Variants in METTL15 observed in about 807,000 individuals in gnomAD.
METTL15 encodes 12S rRNA N(4)-cytidine methyltransferase METTL15.
A neutral mutation model predicts 38.3 loss-of-function variants in METTL15; 34 were observed. That is an observed-to-expected ratio of 0.89 (90% CI 0.68 to 1.18). METTL15 has a LOEUF of 1.18. Ranked by LOEUF, METTL15 falls within the 50% of genes most tolerant of loss-of-function variation. The pLI is 0.00. For synonymous variants in METTL15, 162 were observed against 170.9 expected (o/e 0.95, Z 0.41); for missense variants, 438 against 498.4 (o/e 0.88, Z 1.15).
intron 6 of METTL15, among the ~76,000 whole-genome samples, chr11:28,438,246 G>C (rs1851000477): frequency 6.6e-6 from 1 of 152,188 alleles, no homozygotes; most frequent in Non-Finnish European, 1.5e-5. Context: ...GAGAAATTGT[G>C]CACTATTCTC....
intron 3 of METTL15, among the ~76,000 whole-genome samples, chr11:28,136,709 T>C (rs1211921175): frequency 6.6e-6 from 1 of 152,134 alleles, no homozygotes; most frequent in Non-Finnish European, 1.5e-5. Flanking sequence ...TGTCAAATAA[T>C]CCTGTTTACC....
chr11:28,212,096 C>T (rs1447900232), intron 4 of METTL15, among the ~76,000 whole-genome samples: 2 of 151,968 alleles, frequency 1.3e-5, no homozygotes, highest in Non-Finnish European at 2.9e-5. Flanking sequence ...TAATCAGACA[C>T]TAAGAATAGG....
intron 3 of METTL15, chr11:28,164,021 A>G (rs1185462972): frequency 6.6e-6 from 1 of 152,108 alleles, no homozygotes; most frequent in Non-Finnish European, 1.5e-5. Context: ...TTTAGAGGTA[A>G]TTGTAATTCA....
At chr11:28,444,761 C>G (rs1209535960) in intron 6 of METTL15, among the ~76,000 whole-genome samples, 1 of 152,128 alleles carries the variant, frequency 6.6e-6, no homozygotes, top group Non-Finnish European at 1.5e-5. Flanking sequence ...TTCTATCCTC[C>G]CTTCCAAAGT....
intron 6 of METTL15, among the ~76,000 whole-genome samples, chr11:28,427,575 T>G (rs183713702): frequency 1.3e-5 from 2 of 152,322 alleles, no homozygotes; most frequent in African/African-American, 4.8e-5. Context: ...GCATGGAATG[T>G]TTTTCCATTT....
At chr11:28,222,991 G>A (rs1217422918) in intron 4 of METTL15, among the ~76,000 whole-genome samples, 1 of 152,152 alleles carries the variant, frequency 6.6e-6, no homozygotes, top group African/African-American at 2.4e-5. Flanking sequence ...AATAATAATG[G>A]TATAATACTG....
intron 2 of METTL15, among the ~76,000 whole-genome samples, chr11:28,112,037 T>C (rs940105396): frequency 5.3e-5 from 8 of 152,338 alleles, no homozygotes; most frequent in African/African-American, 1.9e-4. Flanking sequence ...AGTTAACATA[T>C]TATCCTCAAG....
chr11:28,397,747 C>G (rs1314788130), intron 5 of METTL15, among the ~76,000 whole-genome samples: 2 of 152,032 alleles, frequency 1.3e-5, no homozygotes, highest in African/African-American at 2.4e-5. Context: ...GAGTATATAC[C>G]CAAAGTATTG....
chr11:28,525,623 A>C (rs1851803879), intron 6 of METTL15, among the ~76,000 whole-genome samples: 1 of 152,182 alleles, frequency 6.6e-6, no homozygotes, highest in South Asian at 2.1e-4. Flanking sequence ...TGATTGGTGC[A>C]TTTACAAACC....
chr11:28,122,252 A>C (rs568601811), intron 3 of METTL15: 2 of 1,047,470 alleles, frequency 1.9e-6, no homozygotes, highest in South Asian at 3.5e-5. Flanking sequence ...TGTTCATATC[A>C]TGTTATAAAA....
chr11:28,291,192 G>C (rs373794266), intron 5 of METTL15, among the ~76,000 whole-genome samples: 1 of 151,724 alleles, frequency 6.6e-6, no homozygotes, highest in Non-Finnish European at 1.5e-5. Context: ...GATTGCAGAC[G>C]TGTACCAGCA....
chr11:28,455,252 G>T, intron 6 of METTL15, among the ~76,000 whole-genome samples: 1 of 120,558 alleles, frequency 8.3e-6, no homozygotes. Context: ...CAGTGAAGCA[G>T]CAAGACAGAG....
intron 3 of METTL15, among the ~76,000 whole-genome samples, chr11:28,200,908 T>A (rs1852087101): frequency 6.6e-6 from 1 of 152,144 alleles, no homozygotes; most frequent in Admixed American, 6.6e-5. Context: ...TTCTTTCTCT[T>A]GCCTGATTGC....
At chr11:28,112,151 C>CA (rs1851745876) in intron 2 of METTL15, among the ~76,000 whole-genome samples, 1 of 152,134 alleles carries the variant, frequency 6.6e-6, no homozygotes, top group African/African-American at 2.4e-5. Context: ...AAAGGAAAGA[C>CA]AGACATATTT....
At chr11:28,166,793 G>A (rs1196824494) in intron 3 of METTL15, among the ~76,000 whole-genome samples, 1 of 151,892 alleles carries the variant, frequency 6.6e-6, no homozygotes, top group African/African-American at 2.4e-5. Flanking sequence ...TACCAAAAAG[G>A]CAAAAATTAG....
chr11:28,268,895 G>A (rs574264451), intron 4 of METTL15, among the ~76,000 whole-genome samples: 54 of 152,206 alleles, frequency 3.5e-4, no homozygotes, highest in Non-Finnish European at 7.2e-4. Flanking sequence ...TAACTCAGTT[G>A]TATACTGCTT....
intron 4 of METTL15, among the ~76,000 whole-genome samples, chr11:28,245,228 C>T (rs1264979617): frequency 1.3e-5 from 2 of 152,182 alleles, no homozygotes; most frequent in Admixed American, 6.5e-5. Flanking sequence ...ATTACTTAAT[C>T]TCCATGCTTG....
At chr11:28,345,744 G>T (rs1849990744) in intron 3 of METTL15, among the ~76,000 whole-genome samples, 1 of 152,016 alleles carries the variant, frequency 6.6e-6, no homozygotes, top group Non-Finnish European at 1.5e-5. Context: ...ACAGACCTTT[G>T]TACCTACATC....
chr11:28,447,810 G>A (rs1306022670), intron 6 of METTL15, among the ~76,000 whole-genome samples: 1 of 152,100 alleles, frequency 6.6e-6, no homozygotes, highest in East Asian at 1.9e-4. Flanking sequence ...TAGGGGTTAG[G>A]ATGGCCATAT....
Sources: gnomAD v4.1 joint callset for allele counts (sites outside exome capture counted in the v4.1 genomes callset) on GRCh38, gnomAD v4.1.1 for gene constraint, MANE v1.5 for transcripts, NCBI Gene and HGNC (gene_info 2026-07-23, HGNC 2026-07-21) for gene names.